Variants in JAM2 observed in about 807,000 individuals in gnomAD.
The protein encoded by JAM2 is junctional adhesion molecule 2, also known as junctional adhesion molecule B.
Under a neutral mutation model 42.0 loss-of-function variants are expected in JAM2, and 17 were observed. That is an observed-to-expected ratio of 0.40 (90% CI 0.28 to 0.61). The LOEUF is 0.61. JAM2 is among the 20% of genes least tolerant of loss of function. JAM2 has a pLI of 0.37. For synonymous variants in JAM2, 118 were observed against 128.6 expected, an observed-to-expected ratio of 0.92 and a Z score of 0.56; for missense variants, 319 against 358.3, an observed-to-expected ratio of 0.89 and a Z score of 0.89.
chr21:25,649,849 G>A (rs2032722839), intron 1 of JAM2, among the ~76,000 whole-genome samples: 1 of 152,156 alleles, frequency 6.6e-6, no homozygotes, highest in South Asian at 2.1e-4. Context: ...GTTCAACATT[G>A]GGCAGCTACC....
Position 25,714,742 on chromosome 21 carries a change from C to A in JAM2, c.*70C>A. 9.8e-7 allele frequency: 1 copy of A among 1,024,084 alleles called. No homozygotes were observed. Among genetic ancestry groups the A allele is most frequent in the Non-Finnish European group, 1.4e-6 (1 of 717,384 alleles). The allele number at this position is 1,024,084 out of a possible 1,614,324, so 63.4% of individuals were successfully genotyped here. A position where few individuals can be genotyped will look rare whatever the true frequency, so the allele number is the denominator to read the frequency against. ...GTTATTAAACTATTATAAAACTCTG[C>A]TTTGTCCGACATTTGCAAAGAGGTA... On this transcript the variant is annotated 3_prime_UTR_variant, in exon 10 of 10. Coordinates refer to ENST00000480456, the MANE Select transcript of JAM2 (RefSeq NM_021219.4).
At chr21:25,647,166 T>C (rs1301194083) in intron 1 of JAM2, among the ~76,000 whole-genome samples, 6 of 152,332 alleles carry the variant, frequency 3.9e-5, no homozygotes, top group African/African-American at 1.4e-4. Context: ...AATGAATGAA[T>C]TGTTAAACAC....
chr21:25,680,224 T>C (rs1297813550), intron 1 of JAM2, among the ~76,000 whole-genome samples: 1 of 152,244 alleles, frequency 6.6e-6, no homozygotes, highest in Non-Finnish European at 1.5e-5. Flanking sequence ...AAATTGTGAA[T>C]GTTTTCCATT....
intron 1 of JAM2, among the ~76,000 whole-genome samples, chr21:25,646,567 G>A (rs905900377): frequency 1.9e-4 from 29 of 151,264 alleles, no homozygotes; most frequent in Admixed American, 4.6e-4. Flanking sequence ...CATCGGGTGT[G>A]GGGGGAAAGA....
Position 25,699,059 on chromosome 21 carries a change from G to A in JAM2, c.597+180G>A, listed in dbSNP as rs139733966. Among the ~76,000 whole-genome samples, 47 of 152,298 alleles carry A rather than the reference G, an allele frequency of 3.1e-4. No individual in the cohort carries two copies. In the East Asian group the frequency reaches 8.3e-3, roughly 27 times the overall value. On this transcript the variant is annotated intron_variant, in intron 5 of 9. Transcript: ENST00000480456. ...GAAGTGATGGAAAGAGCTACTACAG[G>A]ACATGGGAACAGAAAACAGAGACTG...
intron 2 of JAM2, among the ~76,000 whole-genome samples, chr21:25,688,848 T>TA (rs1451905722): frequency 2.6e-5 from 4 of 152,238 alleles, no homozygotes; most frequent in Non-Finnish European, 4.4e-5. Flanking sequence ...TGGTCAAAGA[T>TA]ACTGTGCTTT....
At chr21:25,662,144 T>C (rs1601005306) in intron 1 of JAM2, among the ~76,000 whole-genome samples, 1 of 152,176 alleles carries the variant, frequency 6.6e-6, no homozygotes, top group East Asian at 1.9e-4. Flanking sequence ...AATACTTTTT[T>C]TTATTTTATT....
chr21:25,640,131 A>G (rs142673161), intron 1 of JAM2, among the ~76,000 whole-genome samples: 14 of 152,360 alleles, frequency 9.2e-5, no homozygotes, highest in African/African-American at 3.4e-4. Context: ...TTCTAGATAC[A>G]GAAAATTAAG....
At chr21:25,665,719 C>T (rs1224174549) in intron 1 of JAM2, among the ~76,000 whole-genome samples, 1 of 152,068 alleles carries the variant, frequency 6.6e-6, no homozygotes, top group Non-Finnish European at 1.5e-5. Context: ...ACCAACATTA[C>T]GGAGGGCAAC....
chr21:25,682,225 T>C (rs148102158), intron 1 of JAM2, among the ~76,000 whole-genome samples: 344 of 152,372 alleles, frequency 2.3e-3, no homozygotes, highest in Middle Eastern at 0.017. Flanking sequence ...TGTATACTTA[T>C]AGGAAAGTAT....
intron 1 of JAM2, among the ~76,000 whole-genome samples, chr21:25,681,922 T>C (rs926113664): frequency 6.6e-6 from 1 of 152,066 alleles, no homozygotes; most frequent in African/African-American, 2.4e-5. Context: ...GCGGAGCTGG[T>C]AGTGAGCTGA....
chr21:25,703,349 T>A (rs1219536519), intron 6 of JAM2, among the ~76,000 whole-genome samples: 1 of 152,248 alleles, frequency 6.6e-6, no homozygotes, highest in Non-Finnish European at 1.5e-5. Flanking sequence ...AAAATTTAAA[T>A]GTTTGTTTCT....
At position 25,683,954 on chromosome 21, in the gene JAM2, G is replaced by A; in HGVS notation, c.133+6G>A. 12 of 1,572,934 alleles carry A rather than the reference G, an allele frequency of 7.6e-6. No individual in the cohort carries two copies. The highest frequency in any genetic ancestry group is 1.0e-5 in the Non-Finnish European group (12 of 1,149,172). Reference sequence around the variant, plus strand: ...CACAGCAGTAGAGTACCAAGGTACAGTATCTTACTGATTTTCACAGGCTGT... The same window carrying A: ...CACAGCAGTAGAGTACCAAGGTACAATATCTTACTGATTTTCACAGGCTGT... On this transcript the variant is annotated splice_donor_region_variant and intron_variant, in intron 2 of 9. Coordinates refer to ENST00000480456, the MANE Select transcript of JAM2 (RefSeq NM_021219.4).
At chr21:25,642,873 C>T (rs1038772932) in intron 1 of JAM2, among the ~76,000 whole-genome samples, 3 of 152,220 alleles carry the variant, frequency 2.0e-5, no homozygotes, top group Admixed American at 6.5e-5. Context: ...GTTTATTTCT[C>T]ACAGCTCTGG....
At chr21:25,680,777 T>C (rs2033611369) in intron 1 of JAM2, among the ~76,000 whole-genome samples, 1 of 151,798 alleles carries the variant, frequency 6.6e-6, no homozygotes, top group South Asian at 2.1e-4. Context: ...TCTGGATGGA[T>C]GGATGGATGG....
At chr21:25,676,985 C>T (rs533853594) in intron 1 of JAM2, among the ~76,000 whole-genome samples, 3 of 152,174 alleles carry the variant, frequency 2.0e-5, no homozygotes, top group South Asian at 4.2e-4. Context: ...AGTGACCATA[C>T]ATTTTAAATA....
chr21:25,672,675 T>A (rs1479321597), intron 1 of JAM2, among the ~76,000 whole-genome samples: 1 of 152,190 alleles, frequency 6.6e-6, no homozygotes, highest in Non-Finnish European at 1.5e-5. Context: ...ATGCACCATC[T>A]CTGCTGTAGA....
intron 7 of JAM2, among the ~76,000 whole-genome samples, chr21:25,706,456 A>G (rs1447211264): frequency 6.6e-6 from 1 of 152,186 alleles, no homozygotes; most frequent in African/African-American, 2.4e-5. Flanking sequence ...TGCTGGGATT[A>G]CAGGTGTGAG....
intron 1 of JAM2, among the ~76,000 whole-genome samples, chr21:25,651,516 A>T (rs967723489): frequency 4.6e-5 from 7 of 152,232 alleles, no homozygotes; most frequent in Admixed American, 1.3e-4. Context: ...GCTATGGAGC[A>T]GCAATATGTA....
Sources: gnomAD v4.1 joint callset for allele counts (sites outside exome capture counted in the v4.1 genomes callset) on GRCh38, gnomAD v4.1.1 for gene constraint, MANE v1.5 for transcripts, NCBI Gene and HGNC (gene_info 2026-07-23, HGNC 2026-07-21) for gene names.